The following RBM47 variants were observed in gnomAD, a reference collection of about 807,000 sequenced individuals.
RBM47 encodes RNA-binding protein 47.
In RBM47, 21 loss-of-function variants were observed where a neutral mutation model predicts 47.1. The ratio of observed to expected loss-of-function variants is 0.45; its 90% CI spans 0.32 to 0.64. RBM47 has a LOEUF of 0.64. RBM47 is among the 30% of genes least tolerant of loss of function. RBM47 has a pLI of 0.05. For missense variants in RBM47, 708 were observed against 870.9 expected (o/e 0.81, Z 2.35); for synonymous variants, 375 against 361.7 (o/e 1.04, Z -0.42).
intron 2 of RBM47, among the ~76,000 whole-genome samples, chr4:40,515,653 T>C (rs895203046): frequency 2.0e-5 from 3 of 152,174 alleles, no homozygotes; most frequent in Non-Finnish European, 4.4e-5. Context: ...ATTGAGATCA[T>C]GTGTTTTCTA....
rs142273255 is a variant in RBM47 at position 40,551,325 on chromosome 4, C to G, written c.-239-6819G>C. Reference sequence around the variant, plus strand: ...TTTAAGGCCCTTTAGTACATACTTTCACTTTTGCAACGTGGAATCAGCATA... The same window carrying G: ...TTTAAGGCCCTTTAGTACATACTTTGACTTTTGCAACGTGGAATCAGCATA... On this transcript the variant is annotated intron_variant, in intron 1 of 6. Transcript: ENST00000295971. Among the ~76,000 whole-genome samples the G allele has an allele frequency of 1.5e-3, 221 of 152,294 alleles. 1 individual carries two copies. The highest frequency in any genetic ancestry group is 5.0e-3 in the African/African-American group (207 of 41,560).
rs6148409 is a variant in RBM47, at chr4:40,498,054, T to TTATATATATATATATATATATATATA, written c.-154-31356_-154-31355insTATATATATATATATATATATATATA. Among the ~76,000 whole-genome samples, 729 of 109,598 alleles carry TTATATATATATATATATATATATATA rather than the reference T, an allele frequency of 6.7e-3. 24 individuals carry two copies. The highest frequency in any genetic ancestry group is 9.7e-3 in the Non-Finnish European group (480 of 49,436). The allele number at this position is 109,598 out of a possible 152,430, so 71.9% of individuals were successfully genotyped here. A position where few individuals can be genotyped will look rare whatever the true frequency, so the allele number is the denominator to read the frequency against. On this transcript the variant is annotated intron_variant, in intron 2 of 6. Coordinates refer to ENST00000295971, the MANE Select transcript of RBM47 (RefSeq NM_001098634.2). The stretch of plus-strand genomic sequence containing the variant: ...TGCAAATAAAATGTAAGTGCTTGTT[T>TTATATATATATATATATATATATATA]TATATATATATATATATATATATAT...
chr4:40,576,033 T>C (rs1424867271), intron 1 of RBM47, among the ~76,000 whole-genome samples: 1 of 150,356 alleles, frequency 6.7e-6, no homozygotes, highest in Non-Finnish European at 1.5e-5. Flanking sequence ...CAAGGCAGGG[T>C]TCTCCTTTGG....
At chr4:40,483,047 G>A (rs1313062776) in intron 2 of RBM47, among the ~76,000 whole-genome samples, 2 of 152,154 alleles carry the variant, frequency 1.3e-5, no homozygotes, top group South Asian at 2.1e-4. Flanking sequence ...TACTGGTTAC[G>A]CTATTAATGA....
At chr4:40,429,092 A>G (rs1196801341) in intron 6 of RBM47, among the ~76,000 whole-genome samples, 1 of 152,152 alleles carries the variant, frequency 6.6e-6, no homozygotes, top group African/African-American at 2.4e-5. Context: ...GACACCAATC[A>G]TCCCTTTGTC....
intron 5 of RBM47, 69 bp from the exon 6 acceptor site, chr4:40,432,931 T>C (rs1711580925): frequency 4.5e-6 from 7 of 1,542,816 alleles, no homozygotes; most frequent in Non-Finnish European, 6.1e-6. Flanking sequence ...CAGCACTTGC[T>C]CTAAGATATT....
At chr4:40,584,404 A>G (rs779846648) in intron 1 of RBM47, among the ~76,000 whole-genome samples, 2 of 152,174 alleles carry the variant, frequency 1.3e-5, no homozygotes, top group Non-Finnish European at 1.5e-5. Flanking sequence ...ATGCAATGGG[A>G]GACACGTATT....
At position 40,425,954 on chromosome 4, in the gene RBM47, G is replaced by A. The variant is rs140354506; in HGVS notation, c.1732C>T (p.Pro578Ser). The change falls in exon 7 of 7, where the codon CCT becomes TCT. Residue 578 changes from proline (P) to serine (S), a missense_variant. Pro to Ser is a moderately conservative substitution (Grantham distance 74). Coordinates refer to ENST00000295971, the MANE Select transcript of RBM47 (RefSeq NM_001098634.2). ...GYAGYIPQAF[P>S]AAAIQVPIPD... ...ATGGGGACCTGAATGGCAGCAGCAG[G>A]GAAGGCCTGAGGTATGTAGCCTGCG... 55 of 1,614,078 alleles carry A rather than the reference G, an allele frequency of 3.4e-5. No individual in the cohort carries two copies. Among genetic ancestry groups the A allele is most frequent in the Non-Finnish European group, 4.3e-5 (51 of 1,180,042 alleles).
At chr4:40,609,193 C>G (rs1415819113) in intron 1 of RBM47, among the ~76,000 whole-genome samples, 1 of 152,044 alleles carries the variant, frequency 6.6e-6, no homozygotes, top group East Asian at 1.9e-4. Context: ...GGGGTTTAGC[C>G]ATGTTGACCA....
chr4:40,535,704 C>A lies in RBM47; in HGVS notation c.-155+8718G>T, dbSNP rs574314300. On this transcript the variant is annotated intron_variant, in intron 2 of 6. Transcript: ENST00000295971. ...TCTACCGAGTAGCTGGGATTACCAG[C>A]GCCTGCCACCACCCCCAGCTACTTT... is the stretch of plus-strand genomic sequence containing the variant. 9.9e-4 allele frequency among the ~76,000 whole-genome samples: 151 copies of A among 152,172 alleles called. 1 individual carries two copies. In the Middle Eastern group the frequency reaches 0.02, roughly 21 times the overall value.
rs367660133 is a variant in RBM47, at chr4:40,533,918, C to T, written c.-155+10504G>A. Among the ~76,000 whole-genome samples the T allele has an allele frequency of 3.9e-4, 59 of 151,790 alleles. 1 individual carries two copies. The South Asian group carries it at 6.5e-3, about 17-fold the overall frequency. ...ACAACCTCTGCCTTCCAGGTTAAAG[C>T]GATTCTCCTGCCTCAGCCTCCCGAG... is the stretch of plus-strand genomic sequence containing the variant. On this transcript the variant is annotated intron_variant, in intron 2 of 6. Coordinates refer to ENST00000295971, the MANE Select transcript of RBM47 (RefSeq NM_001098634.2).
At chr4:40,532,348 C>G (rs1466729298) in intron 2 of RBM47, among the ~76,000 whole-genome samples, 2 of 118,082 alleles carry the variant, frequency 1.7e-5, no homozygotes, top group African/African-American at 6.8e-5. Context: ...GAGTCTTGCT[C>G]TGTCACCAGG....
chr4:40,539,239 A>C lies in RBM47; in HGVS notation c.-155+5183T>G, dbSNP rs186835005. On this transcript the variant is annotated intron_variant, in intron 2 of 6. Coordinates refer to ENST00000295971, the MANE Select transcript of RBM47 (RefSeq NM_001098634.2). ...GAAGCTGCCTTTTGGGATTGCCTTGAGCAGCCTGGGGTCATTTTGTGACAG... is the reference window on the plus strand; with the variant it reads ...GAAGCTGCCTTTTGGGATTGCCTTGCGCAGCCTGGGGTCATTTTGTGACAG... 1.4e-3 allele frequency among the ~76,000 whole-genome samples: 208 copies of C among 152,302 alleles called. 1 individual carries two copies. Among genetic ancestry groups the C allele is most frequent in the Non-Finnish European group, 2.4e-3 (162 of 68,026 alleles).
chr4:40,586,192 G>C (rs1733563304), intron 1 of RBM47, among the ~76,000 whole-genome samples: 1 of 152,156 alleles, frequency 6.6e-6, no homozygotes, highest in Non-Finnish European at 1.5e-5. Context: ...TGCTGAATGT[G>C]AGCATAACTG....
At chr4:40,509,131 G>A (rs1724525119) in intron 2 of RBM47, among the ~76,000 whole-genome samples, 1 of 151,632 alleles carries the variant, frequency 6.6e-6, no homozygotes, top group Admixed American at 6.6e-5. Context: ...CTGCACTCCA[G>A]CCTGGGCAAC....
intron 6 of RBM47, among the ~76,000 whole-genome samples, chr4:40,429,171 C>T (rs971241836): frequency 4.6e-5 from 7 of 152,022 alleles, no homozygotes; most frequent in Non-Finnish European, 8.8e-5. Flanking sequence ...TCAGATTGAC[C>T]GTCAAGGAAC....
intron 1 of RBM47, among the ~76,000 whole-genome samples, chr4:40,596,721 A>G (rs867128876): frequency 4.3e-4 from 65 of 152,248 alleles, no homozygotes; most frequent in African/African-American, 1.5e-3. Context: ...CGCCTTGTGT[A>G]TGAGTACACA....
chr4:40,588,007 A>T (rs1023475018), intron 1 of RBM47, among the ~76,000 whole-genome samples: 1 of 152,208 alleles, frequency 6.6e-6, no homozygotes, highest in Non-Finnish European at 1.5e-5. Context: ...TGTCAGCAAC[A>T]TGATAGAATC....
intron 1 of RBM47, among the ~76,000 whole-genome samples, chr4:40,603,571 C>T (rs2154277818): frequency 6.6e-6 from 1 of 151,812 alleles, no homozygotes; most frequent in Middle Eastern, 3.4e-3. Flanking sequence ...CCTTTCCCCT[C>T]CCCTCCTCTC....
Sources: gnomAD v4.1 joint callset for allele counts (sites outside exome capture counted in the v4.1 genomes callset) on GRCh38, gnomAD v4.1.1 for gene constraint, MANE v1.5 for transcripts, NCBI Gene and HGNC (gene_info 2026-07-23, HGNC 2026-07-21) for gene names.